TRAPPC9: variants seen among roughly 807,000 people sequenced by gnomAD.
TRAPPC9 encodes trafficking protein particle complex subunit 9, also known as IKK2 binding protein.
TRAPPC9 carries 83 observed loss-of-function variants against 124.0 expected under a neutral mutation model. The observed-to-expected ratio is 0.67, with a 90% CI of 0.56 to 0.80. The LOEUF (loss-of-function observed/expected upper bound fraction) is 0.80. Ranked by LOEUF, TRAPPC9 falls within the 30% of genes least tolerant of loss-of-function variation. TRAPPC9 has a pLI of 0.00. For missense variants in TRAPPC9, 1,302 were observed against 1,508.3 expected (o/e 0.86, Z 2.27); for synonymous variants, 638 against 617.5 (o/e 1.03, Z -0.49).
chr8:140,247,143 TCAC>T (rs2064007746), intron 16 of TRAPPC9, among the ~76,000 whole-genome samples: 1 of 152,250 alleles, frequency 6.6e-6, no homozygotes, highest in African/African-American at 2.4e-5. Context: ...TGTTTAATGT[TCAC>T]CACAAGTCCT....
At chr8:140,403,956 C>T (rs189956485) in intron 6 of TRAPPC9, among the ~76,000 whole-genome samples, 298 of 151,978 alleles carry the variant, frequency 2.0e-3, no homozygotes, top group Admixed American at 3.7e-3. Flanking sequence ...GCCACTGTAC[C>T]ATGCCAAAAA....
chr8:140,457,133 C>CG (rs997072861), intron 1 of TRAPPC9, among the ~76,000 whole-genome samples: 6 of 152,200 alleles, frequency 3.9e-5, no homozygotes, highest in Non-Finnish European at 5.9e-5. Flanking sequence ...GAACTCAGGG[C>CG]GGGGAAAGCG....
chr8:140,017,708 G>C (rs567458145), intron 18 of TRAPPC9, among the ~76,000 whole-genome samples: 1 of 152,216 alleles, frequency 6.6e-6, no homozygotes, highest in Admixed American at 6.5e-5. Flanking sequence ...TTCTAGGTCT[G>C]TTCAATTTCA....
chr8:140,369,433 A>C (rs539992332), intron 8 of TRAPPC9, among the ~76,000 whole-genome samples: 33 of 152,340 alleles, frequency 2.2e-4, no homozygotes, highest in Admixed American at 2.6e-4. Flanking sequence ...TGGGGGCAGG[A>C]GTATAACGAA....
chr8:140,033,658 G>GTTTTTTTTTTTTTTTTTTTGTTTTTTT (rs1840652480), intron 17 of TRAPPC9, among the ~76,000 whole-genome samples: 2 of 42,366 alleles, frequency 4.7e-5, no homozygotes, highest in Non-Finnish European at 1.1e-4. Flanking sequence ...TCATAATGTG[G>GTTTTTTTTTTTTTTTTTTTGTTTTTTT]TTTTTTTTTT....
chr8:140,263,936 T>C lies in TRAPPC9; in HGVS notation c.2279-11007A>G, dbSNP rs541822775. ...GCCGAGATATGCAAGTGGGACTTGATGTGAAAACTGAAGCAGAGATCAGAG... is the reference window on the plus strand; with the variant it reads ...GCCGAGATATGCAAGTGGGACTTGACGTGAAAACTGAAGCAGAGATCAGAG... On this transcript the variant is annotated intron_variant, in intron 15 of 22. Transcript: ENST00000438773. Among the ~76,000 whole-genome samples the C allele has an allele frequency of 5.0e-4, 76 of 152,208 alleles. 1 individual carries two copies. Among genetic ancestry groups the C allele is most frequent in the Admixed American group, 3.2e-3 (49 of 15,296 alleles).
intron 19 of TRAPPC9, among the ~76,000 whole-genome samples, chr8:139,935,886 C>G (rs746498861): frequency 6.6e-5 from 10 of 152,218 alleles, no homozygotes; most frequent in Non-Finnish European, 1.5e-4. Flanking sequence ...CTGAGGCACA[C>G]AGATGCCACA....
At chr8:139,928,060 C>G (rs368369706) in intron 19 of TRAPPC9, among the ~76,000 whole-genome samples, 287 of 152,354 alleles carry the variant, frequency 1.9e-3, no homozygotes, top group African/African-American at 6.7e-3. Flanking sequence ...AAATTATACA[C>G]TTTAAATATG....
intron 20 of TRAPPC9, among the ~76,000 whole-genome samples, chr8:139,895,570 T>C (rs1324030962): frequency 4.6e-5 from 7 of 152,262 alleles, no homozygotes; most frequent in Admixed American, 3.9e-4. Context: ...ATACAAAAAT[T>C]AGCATAACAA....
intron 10 of TRAPPC9, among the ~76,000 whole-genome samples, chr8:140,307,273 C>T (rs2066163980): frequency 6.6e-6 from 1 of 152,184 alleles, no homozygotes; most frequent in African/African-American, 2.4e-5. Flanking sequence ...CTGCAGCGGA[C>T]AGAGCTCAGA....
intron 21 of TRAPPC9, among the ~76,000 whole-genome samples, chr8:139,793,068 G>A (rs902931145): frequency 2.0e-5 from 3 of 152,114 alleles, no homozygotes; most frequent in East Asian, 1.9e-4. Context: ...GGTCCAAGGC[G>A]GCCCAGCTGC....
In TRAPPC9 at chr8:140,227,202, G is replaced by A. The variant is rs79508442; in HGVS notation, c.2432-5619C>T. ...GATGGAATAAGATGTCGTGAGCAGGGAAGCAAATCACTGGGCGCGCCTGGG... is the reference window on the plus strand; with the variant it reads ...GATGGAATAAGATGTCGTGAGCAGGAAAGCAAATCACTGGGCGCGCCTGGG... On this transcript the variant is annotated intron_variant, in intron 16 of 22. Transcript: ENST00000438773. Among the ~76,000 whole-genome samples, 199 of 152,218 alleles carry A rather than the reference G, an allele frequency of 1.3e-3. 4 individuals carry two copies. The East Asian group carries it at 0.037, about 28-fold the overall frequency.
At chr8:140,195,545 C>A (rs1006462207) in intron 17 of TRAPPC9, among the ~76,000 whole-genome samples, 1 of 151,970 alleles carries the variant, frequency 6.6e-6, no homozygotes. Context: ...CAGCTTGCAC[C>A]TGTGACACTA....
intron 17 of TRAPPC9, among the ~76,000 whole-genome samples, chr8:140,168,953 A>G (rs1335749937): frequency 6.6e-6 from 1 of 151,306 alleles, no homozygotes; most frequent in Non-Finnish European, 1.5e-5. Flanking sequence ...TAGGCTTTTA[A>G]TAAATGCCTG....
intron 17 of TRAPPC9, among the ~76,000 whole-genome samples, chr8:140,170,949 A>G (rs1160064628): frequency 6.6e-6 from 1 of 152,180 alleles, no homozygotes; most frequent in Non-Finnish European, 1.5e-5. Flanking sequence ...GAAGACAGAG[A>G]AGTGCACACT....
At chr8:139,770,697 A>G (rs1043709859) in intron 21 of TRAPPC9, among the ~76,000 whole-genome samples, 2 of 152,244 alleles carry the variant, frequency 1.3e-5, no homozygotes, top group African/African-American at 4.8e-5. Context: ...GAGAAACAGT[A>G]AGAAATTCAA....
At chr8:140,306,865 G>A (rs1406925856) in intron 10 of TRAPPC9, among the ~76,000 whole-genome samples, 1 of 152,154 alleles carries the variant, frequency 6.6e-6, no homozygotes, top group African/African-American at 2.4e-5. Context: ...GGCATTACAG[G>A]TCACAAACCG....
At chr8:139,948,123 A>G (rs1834383765) in intron 19 of TRAPPC9, among the ~76,000 whole-genome samples, 1 of 151,450 alleles carries the variant, frequency 6.6e-6, no homozygotes, top group African/African-American at 2.4e-5. Context: ...AGGGTCCTTG[A>G]GTATTAGGTT....
intron 16 of TRAPPC9, among the ~76,000 whole-genome samples, chr8:140,229,264 T>C (rs868566128): frequency 0.55 from 68,010 of 124,040 alleles, 19,204 homozygotes; most frequent in Admixed American, 0.66. Context: ...TTTTTTTTTT[T>C]TTTTTTTTTT....
Sources: allele counts gnomAD v4.1 joint callset (sites outside exome capture counted in the v4.1 genomes callset), GRCh38; gene constraint gnomAD v4.1.1; transcripts MANE v1.5; gene names NCBI Gene and HGNC (gene_info 2026-07-23, HGNC 2026-07-21).